SFXN5: variants seen among roughly 807,000 people sequenced by gnomAD.
SFXN5 encodes the protein sideroflexin-5.
SFXN5 carries 43 observed loss-of-function variants against 50.2 expected under a neutral mutation model. The ratio of observed to expected loss-of-function variants is 0.86; its 90% CI spans 0.67 to 1.11. The LOEUF is 1.11. SFXN5 is among the 50% of genes least tolerant of loss of function. The pLI, the probability that SFXN5 is intolerant of heterozygous loss-of-function variation, is 0.00. For synonymous variants in SFXN5, 203 were observed against 185.8 expected (o/e 1.09, Z -0.75); for missense variants, 463 against 454.1 (o/e 1.02, Z -0.18).
At chr2:73,066,280 G>A (rs1252126165) in intron 1 of SFXN5, among the ~76,000 whole-genome samples, 3 of 152,058 alleles carry the variant, frequency 2.0e-5, no homozygotes, top group Non-Finnish European at 4.4e-5. Flanking sequence ...AAAAGAGGCC[G>A]GGTGTGGTAG....
chr2:72,974,143 C>A (rs916809140), intron 10 of SFXN5, among the ~76,000 whole-genome samples: 1 of 152,210 alleles, frequency 6.6e-6, no homozygotes, highest in Non-Finnish European at 1.5e-5. Flanking sequence ...GCTGAGCTCA[C>A]ACAAAATGTC....
chr2:72,987,839 C>T (rs561991143), intron 10 of SFXN5, among the ~76,000 whole-genome samples: 1 of 152,228 alleles, frequency 6.6e-6, no homozygotes, highest in African/African-American at 2.4e-5. Flanking sequence ...TCTGTAACAA[C>T]TGTAATGTGC....
intron 3 of SFXN5, among the ~76,000 whole-genome samples, chr2:73,033,878 G>A (rs1214690517): frequency 6.6e-6 from 1 of 152,184 alleles, no homozygotes; most frequent in African/African-American, 2.4e-5. Context: ...GACTGGGGAG[G>A]GGAAGCTAAT....
At chr2:73,036,377 C>T (rs1185735171) in intron 3 of SFXN5, among the ~76,000 whole-genome samples, 1 of 152,130 alleles carries the variant, frequency 6.6e-6, no homozygotes, top group East Asian at 1.9e-4. Flanking sequence ...GGAGGATCTG[C>T]CTCTAGGGGG....
intron 9 of SFXN5, among the ~76,000 whole-genome samples, chr2:72,989,446 G>A (rs1046473318): frequency 6.6e-6 from 1 of 152,122 alleles, no homozygotes; most frequent in Non-Finnish European, 1.5e-5. Context: ...GTATGTAAGT[G>A]GTGGGTGTGA....
intron 2 of SFXN5, among the ~76,000 whole-genome samples, chr2:73,048,910 G>A (rs1001618292): frequency 4.6e-5 from 7 of 152,150 alleles, no homozygotes; most frequent in African/African-American, 1.7e-4. Flanking sequence ...TCTGCAGGGT[G>A]ATACTTTGAG....
In SFXN5 at chr2:72,947,387, T is replaced by C. The variant is rs559723656; in HGVS notation, c.946-2288A>G. ...CAGGGACTGAGCCCGTGGGGATGCCTGAGCCCCTAGCTAGAGGGGGGCAGG... is the reference window on the plus strand; with the variant it reads ...CAGGGACTGAGCCCGTGGGGATGCCCGAGCCCCTAGCTAGAGGGGGGCAGG... On this transcript the variant is annotated intron_variant, in intron 13 of 13. Coordinates refer to ENST00000272433, the MANE Select transcript of SFXN5 (RefSeq NM_144579.3). Among the ~76,000 whole-genome samples, 225 of 152,336 alleles carry C rather than the reference T, an allele frequency of 1.5e-3. 1 individual carries two copies. Among genetic ancestry groups the C allele is most frequent in the African/African-American group, 5.2e-3 (216 of 41,580 alleles).
rs11686652 is a variant in SFXN5, at chr2:72,942,453, C to A, written c.*2569G>T. 0.18 allele frequency: 27,411 copies of A among 152,426 alleles called. 4,271 individuals are homozygous for A. Among genetic ancestry groups the A allele is most frequent in the African/African-American group, 0.43 (17,648 of 41,486 alleles). The allele number at this position is 152,426 out of a possible 1,614,324, so 9.4% of individuals were successfully genotyped here. On this transcript the variant is annotated 3_prime_UTR_variant, in exon 14 of 14. Coordinates refer to ENST00000272433, the MANE Select transcript of SFXN5 (RefSeq NM_144579.3). Reference sequence around the variant, plus strand: ...CCAGGCAGGGACACCAGGGGTGCAGCACCATCGCAGGCGTGGCTTGTGTTC... The same window carrying A: ...CCAGGCAGGGACACCAGGGGTGCAGAACCATCGCAGGCGTGGCTTGTGTTC...
rs1447125776 is a variant in SFXN5, at chr2:72,988,246, T to C, written c.625+12A>G. The C allele has an allele frequency of 1.9e-6, 3 of 1,612,706 alleles. No homozygotes were observed. The highest frequency in any genetic ancestry group is 2.5e-6 in the Non-Finnish European group (3 of 1,179,486). On this transcript the variant is annotated intron_variant, in intron 10 of 13. Transcript: ENST00000272433. The stretch of plus-strand genomic sequence containing the variant: ...ACCCACAGCACACATCTATGTGGTG[T>C]GCAGGTCTTACCTACAGCAGGGAAC...
In SFXN5 at chr2:72,971,603, G is replaced by A; in HGVS notation, c.708C>T (p.Asn236=). The change falls in exon 11 of 14, where the codon AAC becomes AAT. Residue 236 remains asparagine (N), a synonymous_variant. Coordinates refer to ENST00000272433, the MANE Select transcript of SFXN5 (RefSeq NM_144579.3). Reference sequence around the variant, plus strand: ...CTGCGATCTTGGAGGAGCCCACGAGGTTGCCATCGCTGTCCAGGACATCAA... The same window carrying A: ...CTGCGATCTTGGAGGAGCCCACGAGATTGCCATCGCTGTCCAGGACATCAA... ...EGIDVLDSDG[N]LVGSSKIAAR... 6.2e-7 allele frequency: 1 copy of A among 1,613,874 alleles called. No homozygotes were observed. Among genetic ancestry groups the A allele is most frequent in the Non-Finnish European group, 8.5e-7 (1 of 1,179,896 alleles).
chr2:73,054,207 A>G (rs1681785764), intron 2 of SFXN5, among the ~76,000 whole-genome samples: 1 of 152,124 alleles, frequency 6.6e-6, no homozygotes, highest in Admixed American at 6.5e-5. Flanking sequence ...ACAATCCCCA[A>G]CTGGGGTACA....
intron 10 of SFXN5, among the ~76,000 whole-genome samples, chr2:72,974,351 C>A (rs1354605384): frequency 6.6e-6 from 1 of 152,056 alleles, no homozygotes; most frequent in Non-Finnish European, 1.5e-5. Flanking sequence ...AAACATGCGG[C>A]GAGCAGGACA....
intron 2 of SFXN5, among the ~76,000 whole-genome samples, chr2:73,047,906 ATATT>A: frequency 6.6e-6 from 1 of 152,334 alleles, no homozygotes; most frequent in South Asian, 2.1e-4. Context: ...CTGTAAGAGG[ATATT>A]TATTGCAATA....
intron 11 of SFXN5, among the ~76,000 whole-genome samples, chr2:72,969,921 G>A (rs1000801838): frequency 2.0e-5 from 3 of 152,052 alleles, no homozygotes; most frequent in Non-Finnish European, 4.4e-5. Flanking sequence ...ACACAGCTCA[G>A]TGGCAATTCT....
At position 72,998,608 on chromosome 2, in the gene SFXN5, C is replaced by G. The variant is rs58731407; in HGVS notation, c.534+341G>C. ...GCAGAGTCATTCAGAGGCATCCCCC[C>G]ACCCCGCTCGCTCCAGCCACGTTAC... On this transcript the variant is annotated intron_variant, in intron 9 of 13. Coordinates refer to ENST00000272433, the MANE Select transcript of SFXN5 (RefSeq NM_144579.3). 5.7e-4 allele frequency: 168 copies of G among 292,452 alleles called. 1 individual carries two copies. In the Admixed American group the frequency reaches 6.6e-3, roughly 11 times the overall value. 18.1% of individuals were successfully genotyped at this position (292,452 alleles called of 1,614,324 possible).
chr2:73,032,132 C>G (rs1462246553), intron 3 of SFXN5, among the ~76,000 whole-genome samples: 2 of 150,400 alleles, frequency 1.3e-5, no homozygotes, highest in African/African-American at 5.0e-5. Context: ...GTTTCACAAG[C>G]CAGTCCTGCA....
At chr2:73,017,509 T>TA (rs1356794767) in intron 6 of SFXN5, among the ~76,000 whole-genome samples, 1 of 152,250 alleles carries the variant, frequency 6.6e-6, no homozygotes, top group Non-Finnish European at 1.5e-5. Flanking sequence ...CTCAATAGGA[T>TA]ACTTTCTAAG....
chr2:72,952,448 C>T (rs955878474), intron 13 of SFXN5, among the ~76,000 whole-genome samples: 5 of 152,196 alleles, frequency 3.3e-5, no homozygotes, highest in African/African-American at 9.6e-5. Flanking sequence ...CCGCTCCAGG[C>T]AGCTCGGTAT....
chr2:73,067,338 T>C (rs1375185637), intron 1 of SFXN5, among the ~76,000 whole-genome samples: 3 of 152,152 alleles, frequency 2.0e-5, no homozygotes, highest in African/African-American at 7.2e-5. Flanking sequence ...GATGACTAAA[T>C]GTAACATGTT....
Sources: allele counts gnomAD v4.1 joint callset (sites outside exome capture counted in the v4.1 genomes callset), GRCh38; gene constraint gnomAD v4.1.1; transcripts MANE v1.5; gene names NCBI Gene and HGNC (gene_info 2026-07-23, HGNC 2026-07-21).